The following CWC22 variants were observed in gnomAD, a reference collection of about 807,000 sequenced individuals.
CWC22 encodes pre-mRNA-splicing factor CWC22 homolog.
CWC22 carries 53 observed loss-of-function variants against 117.2 expected under a neutral mutation model. The ratio of observed to expected loss-of-function variants is 0.45; its 90% confidence interval spans 0.36 to 0.57. The LOEUF (loss-of-function observed/expected upper bound fraction) is 0.57. Among genes scored for constraint, CWC22 ranks in the 20% least tolerant of loss-of-function variants. CWC22 has a pLI of 0.00. For missense variants in CWC22, 980 were observed against 1,068.8 expected, an observed-to-expected ratio of 0.92 and a Z score of 1.16; for synonymous variants, 360 against 355.6, an observed-to-expected ratio of 1.01 and a Z score of -0.14.
chr2:180,004,298 G>C (rs1022417542), intron 1 of CWC22, among the ~76,000 whole-genome samples: 1 of 152,212 alleles, frequency 6.6e-6, no homozygotes, highest in Admixed American at 6.5e-5. Context: ...ATGCATCACT[G>C]TGTTGTCTTT....
intron 1 of CWC22, among the ~76,000 whole-genome samples, chr2:180,003,025 G>C (rs1687882353): frequency 6.6e-6 from 1 of 152,178 alleles, no homozygotes; most frequent in African/African-American, 2.4e-5. Flanking sequence ...AAAACGGGGA[G>C]TGTAGATTTC....
intron 12 of CWC22, among the ~76,000 whole-genome samples, chr2:179,965,597 A>G (rs1345276586): frequency 6.6e-6 from 1 of 152,242 alleles, no homozygotes; most frequent in African/African-American, 2.4e-5. Flanking sequence ...AATATACTAA[A>G]TTAAAATTGT....
intron 2 of CWC22, among the ~76,000 whole-genome samples, chr2:179,992,571 A>G (rs1687594316): frequency 2.6e-5 from 4 of 152,152 alleles, no homozygotes; most frequent in Non-Finnish European, 5.9e-5. Flanking sequence ...CCATAGGACA[A>G]TTCTATTACT....
chr2:179,953,641 G>A (rs909903442), intron 16 of CWC22, among the ~76,000 whole-genome samples: 40 of 152,072 alleles, frequency 2.6e-4, no homozygotes, highest in African/African-American at 9.4e-4. Context: ...CCAGCTTAAT[G>A]AACGCCTTTC....
intron 13 of CWC22, among the ~76,000 whole-genome samples, chr2:179,961,004 C>A (rs1401707246): frequency 6.6e-6 from 1 of 151,874 alleles, no homozygotes; most frequent in Non-Finnish European, 1.5e-5. Flanking sequence ...GAAAGGCGTA[C>A]CAGGAGTTCA....
At chr2:179,997,361 A>G (rs1559298501) in intron 1 of CWC22, among the ~76,000 whole-genome samples, 1 of 152,258 alleles carries the variant, frequency 6.6e-6, no homozygotes, top group East Asian at 1.9e-4. Flanking sequence ...AAAGGCTACA[A>G]ATTAAAATAG....
At chr2:179,947,232 ACAGT>A (rs568562570) in intron 19 of CWC22, among the ~76,000 whole-genome samples, 255 of 152,270 alleles carry the variant, frequency 1.7e-3, no homozygotes, top group African/African-American at 6.0e-3. Context: ...GGCACATGGT[ACAGT>A]CAGTTGGTTT....
intron 16 of CWC22, 27 bp from the exon 17 acceptor site, chr2:179,952,625 G>A (rs1192813119): frequency 7.9e-7 from 1 of 1,271,226 alleles, no homozygotes; most frequent in Admixed American, 2.8e-5. Flanking sequence ...AAAAAGACAA[G>A]TATATTTTAA....
intron 1 of CWC22, among the ~76,000 whole-genome samples, chr2:180,003,680 A>T (rs1293577479): frequency 2.0e-5 from 3 of 152,188 alleles, no homozygotes; most frequent in African/African-American, 7.2e-5. Context: ...AAGGACTCAC[A>T]GGGTAACTTT....
chr2:179,982,140 T>C, intron 4 of CWC22, 143 bp from the exon 5 acceptor site: 1 of 612,956 alleles, frequency 1.6e-6, no homozygotes, highest in South Asian at 2.0e-5. Context: ...ACAAAGTGTT[T>C]CACAGAGAAA....
chr2:179,959,356 G>T (rs1559286969), intron 13 of CWC22, among the ~76,000 whole-genome samples: 1 of 152,088 alleles, frequency 6.6e-6, no homozygotes, highest in African/African-American at 2.4e-5. Context: ...ATTCAGAAGT[G>T]ACAAATCTAT....
At chr2:179,968,326 A>G (rs957057226) in intron 11 of CWC22, among the ~76,000 whole-genome samples, 2 of 152,106 alleles carry the variant, frequency 1.3e-5, no homozygotes, top group Non-Finnish European at 2.9e-5. Context: ...CATTTATCTG[A>G]AAAGGCTGTT....
intron 19 of CWC22, among the ~76,000 whole-genome samples, chr2:179,948,038 T>C (rs1302495854): frequency 6.6e-6 from 1 of 152,174 alleles, no homozygotes; most frequent in Non-Finnish European, 1.5e-5. Flanking sequence ...AAAACATCTT[T>C]TACTATAGCA....
At chr2:179,952,135 A>G (rs1189298603) in intron 17 of CWC22, among the ~76,000 whole-genome samples, 1 of 152,154 alleles carries the variant, frequency 6.6e-6, no homozygotes, top group Non-Finnish European at 1.5e-5. Flanking sequence ...GTCCACTGAT[A>G]ATATTAGTTA....
intron 19 of CWC22, among the ~76,000 whole-genome samples, chr2:179,949,466 C>T (rs992947605): frequency 1.1e-4 from 16 of 152,092 alleles, no homozygotes; most frequent in African/African-American, 3.4e-4. Context: ...AAACTAAAAC[C>T]GCCATGCAGT....
intron 7 of CWC22, 23 bp downstream of exon 7, chr2:179,973,611 A>G (rs1223793316): frequency 2.7e-6 from 4 of 1,467,362 alleles, no homozygotes; most frequent in East Asian, 2.3e-5. Flanking sequence ...GTATCATTCT[A>G]CTTACAAGCC....
At chr2:179,976,301 A>G (rs1055535816) in intron 6 of CWC22, among the ~76,000 whole-genome samples, 3 of 152,206 alleles carry the variant, frequency 2.0e-5, no homozygotes, top group Admixed American at 6.5e-5. Flanking sequence ...TGAAACTACT[A>G]TAAGTTTCTA....
intron 1 of CWC22, among the ~76,000 whole-genome samples, chr2:179,994,330 G>C (rs1687646387): frequency 6.6e-6 from 1 of 152,152 alleles, no homozygotes; most frequent in Non-Finnish European, 1.5e-5. Context: ...ATTAATTTGA[G>C]TGTCAGAAAG....
chr2:179,963,335 C>CTTTTTTTTTTT (rs774947016), intron 13 of CWC22, among the ~76,000 whole-genome samples: 2 of 82,054 alleles, frequency 2.4e-5, no homozygotes, highest in East Asian at 4.3e-4. Flanking sequence ...ATATTTAATA[C>CTTTTTTTTTTT]TTTTTTTTTT....
Sources: allele counts gnomAD v4.1 joint callset (sites outside exome capture counted in the v4.1 genomes callset), GRCh38; gene constraint gnomAD v4.1.1; transcripts MANE v1.5; gene names NCBI Gene and HGNC (gene_info 2026-07-23, HGNC 2026-07-21).